MKRN1: variants seen among roughly 807,000 people sequenced by gnomAD.
MKRN1 encodes makorin ring finger protein 1.
Under a neutral mutation model 55.5 loss-of-function variants are expected in MKRN1, and 9 were observed. That is an observed-to-expected ratio of 0.16 (90% CI 0.10 to 0.28). The LOEUF is 0.28. Ranked by LOEUF, MKRN1 falls within the 10% of genes least tolerant of loss-of-function variation. The pLI is 1.00. For synonymous variants in MKRN1, 253 were observed against 235.9 expected (o/e 1.07, Z -0.66); for missense variants, 488 against 626.7 (o/e 0.78, Z 2.36).
At chr7:140,478,826 A>G in intron 1 of MKRN1, 1 of 187,350 alleles carries the variant, frequency 5.3e-6, no homozygotes, top group Non-Finnish European at 1.1e-5. Context: ...GCAGGGGAGG[A>G]GCCAGCCCAC....
chr7:140,470,829 A>C (rs1000968984), intron 2 of MKRN1, among the ~76,000 whole-genome samples: 6 of 151,664 alleles, frequency 4.0e-5, no homozygotes, highest in African/African-American at 9.7e-5. Context: ...AGGCAGGAGA[A>C]TTGCTTGAAT....
intron 2 of MKRN1, among the ~76,000 whole-genome samples, chr7:140,464,619 C>T (rs112920383): frequency 7.6e-4 from 115 of 151,972 alleles, no homozygotes; most frequent in African/African-American, 2.4e-3. Flanking sequence ...GCAGAAGAAT[C>T]GCTTGAACCT....
chr7:140,475,973 G>C (rs1453459708), intron 1 of MKRN1, among the ~76,000 whole-genome samples: 1 of 151,960 alleles, frequency 6.6e-6, no homozygotes, highest in Non-Finnish European at 1.5e-5. Flanking sequence ...TCTGAGGAAA[G>C]GTATAAAACA....
At chr7:140,460,830 T>C (rs1449694368) in intron 2 of MKRN1, among the ~76,000 whole-genome samples, 1 of 152,190 alleles carries the variant, frequency 6.6e-6, no homozygotes, top group Non-Finnish European at 1.5e-5. Context: ...ACAATCAACA[T>C]CACAACTACA....
intron 1 of MKRN1, among the ~76,000 whole-genome samples, chr7:140,475,032 C>G (rs140548381): frequency 6.6e-6 from 1 of 151,726 alleles, no homozygotes; most frequent in Admixed American, 6.6e-5. Context: ...CTTTAAGTTA[C>G]GTTAACCACA....
At chr7:140,466,554 C>T (rs1794771795) in intron 2 of MKRN1, among the ~76,000 whole-genome samples, 1 of 152,062 alleles carries the variant, frequency 6.6e-6, no homozygotes, top group Admixed American at 6.6e-5. Flanking sequence ...CCTGTAATCC[C>T]AGCACTTTGG....
chr7:140,476,055 A>T (rs1300157203), intron 1 of MKRN1, among the ~76,000 whole-genome samples: 2 of 152,238 alleles, frequency 1.3e-5, no homozygotes, highest in Non-Finnish European at 2.9e-5. Context: ...CCGAGCAATT[A>T]AAAACATTCT....
intron 2 of MKRN1, among the ~76,000 whole-genome samples, chr7:140,460,700 CA>C (rs1481633494): frequency 1.3e-5 from 2 of 152,084 alleles, no homozygotes; most frequent in Non-Finnish European, 2.9e-5. Context: ...TTAGTTATAC[CA>C]TGTGTGATGC....
At position 140,479,220 on chromosome 7, in the gene MKRN1, C is replaced by A; in HGVS notation, c.125G>T (p.Gly42Val). 1 of 1,461,944 alleles carries A rather than the reference C, an allele frequency of 6.8e-7. No homozygotes were observed. 90.6% of individuals were successfully genotyped at this position (1,461,944 alleles called of 1,614,324 possible). ...PTVTAPSLGA[G>V]GGGGGSDGSG... ...GCCGTCGCTGCCGCCGCCCCCTCCG[C>A]CCGCCCCCAGGGACGGGGCGGTGAC... The change falls in exon 1 of 8, where the codon GGC becomes GTC. Residue 42 changes from glycine (G) to valine (V), a missense_variant. Around this residue, in one of 2 missense-constraint regions of MKRN1, gnomAD observed 210 missense variants for 220.0 expected, o/e 0.95. Transcript: ENST00000255977.
rs1441006044 is a variant in MKRN1 at position 140,479,302 on chromosome 7, C to T, written c.43G>A (p.Gly15Arg). The T allele has an allele frequency of 3.7e-6, 5 of 1,362,102 alleles. No homozygotes were observed. Among genetic ancestry groups the T allele is most frequent in the Non-Finnish European group, 4.7e-6 (5 of 1,054,698 alleles). 84.4% of individuals were successfully genotyped at this position (1,362,102 alleles called of 1,614,324 possible). A position where few individuals can be genotyped will look rare whatever the true frequency, so the allele number is the denominator to read the frequency against. Residue 15 changes from glycine to arginine, a missense_variant, in exon 1 of 8, where the codon GGA (glycine) becomes AGA (arginine). Gly to Arg is a moderately radical substitution (Grantham distance 125, BLOSUM62 -2). Transcript: ENST00000255977. ...GCCGTCGCCGCTGCCGCTCCTGCTC[C>T]TGATGTTGTGGCTGTTGTTCCGGGA... ...ATPGTTATTSGAGAAAATAAA... is the reference protein window; with the variant it reads ...ATPGTTATTSRAGAAAATAAA...
intron 2 of MKRN1, among the ~76,000 whole-genome samples, chr7:140,465,953 C>CCTCA (rs1794752951): frequency 1.3e-5 from 2 of 151,998 alleles, no homozygotes; most frequent in African/African-American, 2.4e-5. Flanking sequence ...TGGTGGTGCG[C>CCTCA]GCCTGTAGTC....
chr7:140,475,780 T>C (rs561518268), intron 1 of MKRN1, among the ~76,000 whole-genome samples: 2 of 152,368 alleles, frequency 1.3e-5, no homozygotes, highest in Admixed American at 6.5e-5. Flanking sequence ...TCTGCCATTA[T>C]AGAAGCACTC....
At chr7:140,471,088 A>C (rs1489815851) in intron 2 of MKRN1, among the ~76,000 whole-genome samples, 3 of 152,100 alleles carry the variant, frequency 2.0e-5, no homozygotes, top group Admixed American at 1.3e-4. Flanking sequence ...TTAACCTACT[A>C]AATTTGGGGA....
intron 5 of MKRN1, chr7:140,456,117 T>C: frequency 8.9e-7 from 1 of 1,123,424 alleles, no homozygotes; most frequent in East Asian, 3.1e-5. Flanking sequence ...CCAGTTCTTT[T>C]TTTTTTTTTT....
chr7:140,459,910 T>C lies in MKRN1; in HGVS notation c.341A>G (p.Gln114Arg), dbSNP rs1338188113. 1 of 1,613,940 alleles carries C rather than the reference T, an allele frequency of 6.2e-7. No homozygotes were observed. The highest frequency in any genetic ancestry group is 1.1e-5 in the South Asian group (1 of 91,078). ...TAGCTCTGTAGCAGTTGCTTCTTCC[T>C]GTTTCAATGGTTTGCTATGTTCATA... ...CRYEHSKPLKQEEATATELTT... is the reference protein window; with the variant it reads ...CRYEHSKPLKREEATATELTT... The change falls in exon 3 of 8, where the codon CAG (glutamine) becomes CGG (arginine). Residue 114 changes from glutamine to arginine, a missense_variant. This residue lies in a region of MKRN1 where 210 missense variants were observed against 220.0 expected (regional missense o/e 0.95). Transcript: ENST00000255977.
intron 2 of MKRN1, among the ~76,000 whole-genome samples, chr7:140,460,580 T>C (rs545678938): frequency 1.3e-5 from 2 of 152,046 alleles, no homozygotes; most frequent in Non-Finnish European, 1.5e-5. Flanking sequence ...GGGTTACAGG[T>C]GTGAGCCACC....
chr7:140,472,069 T>G (rs1794944299), intron 1 of MKRN1, 58 bp from the exon 2 acceptor site: 2 of 1,601,834 alleles, frequency 1.2e-6, no homozygotes, highest in African/African-American at 1.3e-5. Flanking sequence ...ATATTAAAAC[T>G]AATTAGTATT....
rs183717864 is a variant in MKRN1, at chr7:140,461,852, G to A, written c.315-1916C>T. ...TACAAAATTAGCCAGGCATGGTGGC[G>A]CATGCTTGTAATCCCAGCTACTTGG... On this transcript the variant is annotated intron_variant, in intron 2 of 7. Coordinates refer to ENST00000255977, the MANE Select transcript of MKRN1 (RefSeq NM_013446.4). Among the ~76,000 whole-genome samples, 728 of 152,054 alleles carry A rather than the reference G, an allele frequency of 4.8e-3. 3 individuals are homozygous for A. Among genetic ancestry groups the A allele is most frequent in the Non-Finnish European group, 7.2e-3 (488 of 67,986 alleles).
chr7:140,458,709 T>C (rs1157581875), intron 4 of MKRN1, among the ~76,000 whole-genome samples: 2 of 152,230 alleles, frequency 1.3e-5, no homozygotes, highest in African/African-American at 4.8e-5. Flanking sequence ...TCTGAGTTTC[T>C]GGAAGTAGGA....
Sources: allele counts gnomAD v4.1 joint callset (sites outside exome capture counted in the v4.1 genomes callset), GRCh38; gene constraint gnomAD v4.1.1; regional missense constraint gnomAD v4.1.1; transcripts MANE v1.5; gene names NCBI Gene and HGNC (gene_info 2026-07-23, HGNC 2026-07-21).